PCTP: variants seen among roughly 807,000 people sequenced by gnomAD.
PCTP encodes the protein phosphatidylcholine transfer protein.
PCTP carries 27 observed loss-of-function variants against 31.0 expected under a neutral mutation model. The ratio of observed to expected loss-of-function variants is 0.87; its 90% confidence interval spans 0.64 to 1.20. The LOEUF is 1.20. Ranked by LOEUF, PCTP falls within the 50% of genes most tolerant of loss-of-function variation. PCTP has a pLI of 0.00. For missense variants in PCTP, 287 were observed against 268.2 expected (o/e 1.07, Z -0.49); for synonymous variants, 108 against 101.2 (o/e 1.07, Z -0.40).
chr17:55,804,124 T>G (rs1485268343), intron 3 of PCTP, among the ~76,000 whole-genome samples: 1 of 152,198 alleles, frequency 6.6e-6, no homozygotes, highest in Non-Finnish European at 1.5e-5. Context: ...TCATCATCAC[T>G]GGTCATTAGA....
At position 55,830,547 on chromosome 17, in the gene PCTP, T is replaced by C. The variant is rs1032519940; in HGVS notation, n.505+7620T>C. Reference sequence around the variant, plus strand: ...AATTGGTTGGTAAAATTCCACATTCTGACAGGAAAAATAACATCGTTTTTG... The same window carrying C: ...AATTGGTTGGTAAAATTCCACATTCCGACAGGAAAAATAACATCGTTTTTG... On this transcript the variant is annotated intron_variant and non_coding_transcript_variant, in intron 5 of 5. Transcript: ENST00000576221. Among the ~76,000 whole-genome samples, 4 of 152,318 alleles carry C rather than the reference T, an allele frequency of 2.6e-5. No homozygotes were observed. The East Asian group carries it at 5.8e-4, about 22-fold the overall frequency.
At chr17:55,791,873 A>G (rs1217201458) in intron 3 of PCTP, among the ~76,000 whole-genome samples, 1 of 152,128 alleles carries the variant, frequency 6.6e-6, no homozygotes, top group African/African-American at 2.4e-5. Flanking sequence ...TTATTGTGGC[A>G]TTATTCACAA....
At chr17:55,839,984 A>G (rs1307664919) in intron 5 of PCTP, among the ~76,000 whole-genome samples, 1 of 151,248 alleles carries the variant, frequency 6.6e-6, no homozygotes, top group African/African-American at 2.4e-5. Flanking sequence ...ATCCATTGGA[A>G]TGTATATTCC....
chr17:55,786,145 G>C (rs748547427), intron 2 of PCTP, among the ~76,000 whole-genome samples: 2 of 151,712 alleles, frequency 1.3e-5, no homozygotes, highest in Non-Finnish European at 2.9e-5. Context: ...TTAGCTAGGC[G>C]TGGTGGCGCA....
At chr17:55,790,956 G>A (rs1277888833) in intron 3 of PCTP, among the ~76,000 whole-genome samples, 1 of 151,468 alleles carries the variant, frequency 6.6e-6, no homozygotes, top group Non-Finnish European at 1.5e-5. Context: ...CCAAAACAGA[G>A]ATATAGATCA....
intron 5 of PCTP, among the ~76,000 whole-genome samples, chr17:55,829,102 T>A (rs1905507919): frequency 6.6e-6 from 1 of 151,600 alleles, no homozygotes; most frequent in African/African-American, 2.4e-5. Context: ...GAGTTCAAGA[T>A]GAGATTGATA....
intron 3 of PCTP, among the ~76,000 whole-genome samples, chr17:55,820,359 A>G (rs1362727055): frequency 6.6e-6 from 1 of 152,192 alleles, no homozygotes; most frequent in Non-Finnish European, 1.5e-5. Flanking sequence ...ATAGTTCTGG[A>G]GGCTGGGACA....
intron 1 of PCTP, among the ~76,000 whole-genome samples, chr17:55,765,103 A>G (rs1458163032): frequency 6.6e-6 from 1 of 152,240 alleles, no homozygotes; most frequent in Admixed American, 6.5e-5. Flanking sequence ...AAAGGAACTT[A>G]TATGATTTGA....
intron 1 of PCTP, among the ~76,000 whole-genome samples, chr17:55,766,614 G>T (rs1332390586): frequency 6.6e-6 from 1 of 151,986 alleles, no homozygotes; most frequent in Non-Finnish European, 1.5e-5. Flanking sequence ...TGGCTGCATA[G>T]TATTCCATGG....
At chr17:55,823,541 A>G (rs1429061823), downstream of PCTP, among the ~76,000 whole-genome samples, 1 of 152,226 alleles carries the variant, frequency 6.6e-6, no homozygotes, top group Admixed American at 6.5e-5. Context: ...CTGAAGAAGC[A>G]AAATTGGAAA....
At chr17:55,772,756 A>T (rs1224971332) in intron 3 of PCTP, among the ~76,000 whole-genome samples, 1 of 152,198 alleles carries the variant, frequency 6.6e-6, no homozygotes, top group Admixed American at 6.5e-5. Context: ...TAAATATCTG[A>T]GCTCCATCCA....
intron 2 of PCTP, 88 bp from the exon 3 acceptor site, chr17:55,771,018 C>T: frequency 1.0e-6 from 1 of 963,570 alleles, no homozygotes; most frequent in Non-Finnish European, 1.7e-6. Context: ...CAGGCATGAG[C>T]CACCATGCTT....
At chr17:55,775,008 G>C (rs1314745179) in intron 5 of PCTP, 149 bp downstream of exon 5, 2 of 935,458 alleles carry the variant, frequency 2.1e-6, no homozygotes, top group African/African-American at 3.3e-5. Context: ...AGTGACTCTG[G>C]TTAGGGCTGG....
At chr17:55,796,589 G>A (rs1912195282) in intron 3 of PCTP, among the ~76,000 whole-genome samples, 1 of 151,962 alleles carries the variant, frequency 6.6e-6, no homozygotes, top group Non-Finnish European at 1.5e-5. Flanking sequence ...GCAGGACATT[G>A]GGAAGGTCTA....
chr17:55,775,735 C>A (rs1911292269), intron 5 of PCTP: 1 of 1,252,516 alleles, frequency 8.0e-7, no homozygotes, highest in African/African-American at 1.5e-5. Context: ...CCAGCCCAAG[C>A]CCATTTCTTG....
intron 3 of PCTP, among the ~76,000 whole-genome samples, chr17:55,806,263 G>A (rs1474700246): frequency 6.6e-6 from 1 of 152,044 alleles, no homozygotes; most frequent in African/African-American, 2.4e-5. Flanking sequence ...CAATAAACCA[G>A]GAGAAGGACT....
At chr17:55,799,588 T>G (rs1465236440) in intron 3 of PCTP, among the ~76,000 whole-genome samples, 1 of 152,192 alleles carries the variant, frequency 6.6e-6, no homozygotes. Context: ...AGGTTAATAT[T>G]GTTATGTGTG....
chr17:55,761,311 G>A (rs947267689), intron 1 of PCTP, among the ~76,000 whole-genome samples: 1 of 151,994 alleles, frequency 6.6e-6, no homozygotes, highest in African/African-American at 2.4e-5. Flanking sequence ...GCAGGTCAAA[G>A]GGATTAGAAA....
At chr17:55,779,414 A>G (rs549507713), downstream of PCTP, among the ~76,000 whole-genome samples, 3 of 152,358 alleles carry the variant, frequency 2.0e-5, no homozygotes, top group East Asian at 1.9e-4. Context: ...TGTTCATGAC[A>G]GAAGAACCAT....
Sources: allele counts gnomAD v4.1 joint callset (sites outside exome capture counted in the v4.1 genomes callset), GRCh38; gene constraint gnomAD v4.1.1; transcripts MANE v1.5; gene names NCBI Gene and HGNC (gene_info 2026-07-23, HGNC 2026-07-21).